ABCD2: variants seen among roughly 807,000 people sequenced by gnomAD.
ABCD2 encodes the protein ATP binding cassette subfamily D member 2.
Under a neutral mutation model 70.9 loss-of-function variants are expected in ABCD2, and 36 were observed. That is an observed-to-expected ratio of 0.51 (90% CI 0.39 to 0.67). The LOEUF is 0.67. ABCD2 is among the 30% of genes least tolerant of loss of function. The pLI, the probability that ABCD2 is intolerant of heterozygous loss-of-function variation, is 0.00. For synonymous variants in ABCD2, 304 were observed against 306.9 expected, an observed-to-expected ratio of 0.99 and a Z score of 0.10; for missense variants, 729 against 890.2, an observed-to-expected ratio of 0.82 and a Z score of 2.30.
intron 7 of ABCD2, among the ~76,000 whole-genome samples, chr12:39,582,530 G>A (rs1237777298): frequency 2.6e-5 from 4 of 152,080 alleles, no homozygotes; most frequent in African/African-American, 9.7e-5. Context: ...AATATTTCAT[G>A]TTTATTCTAA....
chr12:39,540,516 G>A, the ABCD2 span, among the ~76,000 whole-genome samples: 1 of 152,280 alleles, frequency 6.6e-6, no homozygotes, highest in South Asian at 2.1e-4. Flanking sequence ...ATTTGCATCT[G>A]TAAAGAATCT....
rs1941070462 is a variant in ABCD2 at position 39,550,361 on chromosome 12, A to G, written c.*3551T>C. The stretch of plus-strand genomic sequence containing the variant: ...TGATGAGTTCAAGTAAATACACATC[A>G]GATGGAAATTATATTATAATGTACT... On this transcript the variant is annotated 3_prime_UTR_variant, in exon 10 of 10. Transcript: ENST00000308666. 1 of 151,782 alleles carries G rather than the reference A, an allele frequency of 6.6e-6. No homozygotes were observed. The highest frequency in any genetic ancestry group is 2.4e-5 in the African/African-American group (1 of 41,420). The allele number at this position is 151,782 out of a possible 1,614,324, so 9.4% of individuals were successfully genotyped here. A position where few individuals can be genotyped will look rare whatever the true frequency, so the allele number is the denominator to read the frequency against.
At chr12:39,533,138 C>T in the ABCD2 span, among the ~76,000 whole-genome samples, 2 of 151,872 alleles carry the variant, frequency 1.3e-5, no homozygotes, top group South Asian at 4.2e-4. Context: ...GCACTCCAGC[C>T]TGGGTGACAA....
chr12:39,601,247 T>A (rs1941892888), intron 5 of ABCD2, among the ~76,000 whole-genome samples: 2 of 151,964 alleles, frequency 1.3e-5, no homozygotes, highest in Non-Finnish European at 2.9e-5. Flanking sequence ...AGAAGATGAT[T>A]CAAATTCTGC....
chr12:39,589,202 C>T (rs182880189), intron 6 of ABCD2, among the ~76,000 whole-genome samples: 84 of 152,188 alleles, frequency 5.5e-4, no homozygotes, highest in African/African-American at 1.9e-3. Flanking sequence ...GATGAATTAT[C>T]TACCTATTTT....
In ABCD2 at chr12:39,618,552, G is replaced by C. The variant is rs1942148197; in HGVS notation, c.939+125C>G. On this transcript the variant is annotated intron_variant, in intron 1 of 9. Coordinates refer to ENST00000308666, the MANE Select transcript of ABCD2 (RefSeq NM_005164.4). ...AAGCATATATTTTAATTCAGGTTTA[G>C]ATGTCAGAGGAATCTAAGACACTAA... 8.5e-5 allele frequency: 67 copies of C among 786,890 alleles called. No homozygotes were observed. In the South Asian group the frequency reaches 1.2e-3, roughly 14 times the overall value. 48.7% of individuals were successfully genotyped at this position (786,890 alleles called of 1,614,324 possible). A position where few individuals can be genotyped will look rare whatever the true frequency, so the allele number is the denominator to read the frequency against.
rs377273599 is a variant in ABCD2, at chr12:39,557,933, G to C, written c.2004-3802C>G. Among the ~76,000 whole-genome samples the C allele has an allele frequency of 2.4e-4, 37 of 152,302 alleles. 1 individual carries two copies. The South Asian group carries it at 7.5e-3, about 31-fold the overall frequency. ...AGGGTAGTGCAGAAGGAAAATGTGA[G>C]GTCAGAGCCCCCACTGGGGCATTGC... On this transcript the variant is annotated intron_variant, in intron 9 of 9. Transcript: ENST00000308666.
chr12:39,544,646 C>G, the ABCD2 span, among the ~76,000 whole-genome samples: 5 of 152,060 alleles, frequency 3.3e-5, no homozygotes, highest in Admixed American at 6.5e-5. Flanking sequence ...CAATCCCTCC[C>G]TTTAGGTTTT....
intron 2 of ABCD2, among the ~76,000 whole-genome samples, chr12:39,615,833 C>A (rs1203034019): frequency 4.6e-5 from 7 of 152,106 alleles, no homozygotes; most frequent in African/African-American, 1.4e-4. Context: ...TAATTCTGTA[C>A]AAAATAACTA....
At chr12:39,536,192 T>C in the ABCD2 span, among the ~76,000 whole-genome samples, 2 of 152,248 alleles carry the variant, frequency 1.3e-5, no homozygotes, top group Admixed American at 1.3e-4. Context: ...TTTTCACACA[T>C]ATACACAGAG....
intron 3 of ABCD2, among the ~76,000 whole-genome samples, chr12:39,606,791 T>C (rs1941975066): frequency 6.6e-6 from 1 of 152,220 alleles, no homozygotes; most frequent in East Asian, 1.9e-4. Flanking sequence ...TTGTGTAATA[T>C]CTGAATTAAA....
chr12:39,534,693 AGGAAGGAC>A, the ABCD2 span, among the ~76,000 whole-genome samples: 1 of 86,264 alleles, frequency 1.2e-5, no homozygotes, highest in Non-Finnish European at 2.4e-5. Context: ...GAAGGAAGGA[AGGAAGGAC>A]GGAAGGAAGG....
intron 9 of ABCD2, among the ~76,000 whole-genome samples, chr12:39,569,321 C>T (rs1176108211): frequency 6.6e-6 from 1 of 152,238 alleles, no homozygotes; most frequent in African/African-American, 2.4e-5. Flanking sequence ...GAAGCCTTGG[C>T]AATGGCGGGC....
chr12:39,590,003 A>G lies in ABCD2; in HGVS notation c.1647-3706T>C, dbSNP rs1167045545. Among the ~76,000 whole-genome samples, 4 of 152,226 alleles carry G rather than the reference A, an allele frequency of 2.6e-5. No individual in the cohort carries two copies. In the East Asian group the frequency reaches 5.8e-4, roughly 22 times the overall value. ...TTAAAGCCACCACTGAATTCTCTGG[A>G]AAGACTGTGTCAAGAAAATTCGGGA... On this transcript the variant is annotated intron_variant, in intron 6 of 9. Coordinates refer to ENST00000308666, the MANE Select transcript of ABCD2 (RefSeq NM_005164.4).
At chr12:39,538,171 C>CTTTTTTTTTTTTTTTTTTTT in the ABCD2 span, among the ~76,000 whole-genome samples, 1 of 139,696 alleles carries the variant, frequency 7.2e-6, no homozygotes, top group African/African-American at 2.6e-5. Context: ...TTCTTTCTTT[C>CTTTTTTTTTTTTTTTTTTTT]TTTTTTTTTT....
At position 39,553,241 on chromosome 12, in the gene ABCD2, G is replaced by A. The variant is rs1187234229; in HGVS notation, c.*671C>T. On this transcript the variant is annotated 3_prime_UTR_variant, in exon 10 of 10. Coordinates refer to ENST00000308666, the MANE Select transcript of ABCD2 (RefSeq NM_005164.4). ...GGCAATTCTCTTTTTAAAATGAAAG[G>A]ATTTATTAAAAATATTTAAGATTTG... The A allele has an allele frequency of 6.6e-6, 1 of 151,834 alleles. No individual in the cohort carries two copies. Among genetic ancestry groups the A allele is most frequent in the African/African-American group, 2.4e-5 (1 of 41,366 alleles). 9.4% of individuals were successfully genotyped at this position (151,834 alleles called of 1,614,324 possible).
At chr12:39,579,045 A>C (rs1941559838) in intron 8 of ABCD2, among the ~76,000 whole-genome samples, 1 of 152,192 alleles carries the variant, frequency 6.6e-6, no homozygotes, top group Admixed American at 6.5e-5. Flanking sequence ...AGAAAAACAA[A>C]TACTTGGAGA....
the ABCD2 span, among the ~76,000 whole-genome samples, chr12:39,538,007 A>T: frequency 6.6e-6 from 1 of 152,104 alleles, no homozygotes; most frequent in Admixed American, 6.5e-5. Context: ...GAAACACTTC[A>T]CCTATGACAG....
chr12:39,567,401 C>G (rs1478810328), intron 9 of ABCD2, among the ~76,000 whole-genome samples: 4 of 152,074 alleles, frequency 2.6e-5, no homozygotes, highest in Non-Finnish European at 5.9e-5. Flanking sequence ...TTCTTTGTCT[C>G]TTTTGATCTT....
Sources: allele counts gnomAD v4.1 joint callset (sites outside exome capture counted in the v4.1 genomes callset), GRCh38; gene constraint gnomAD v4.1.1; transcripts MANE v1.5; gene names NCBI Gene and HGNC (gene_info 2026-07-23, HGNC 2026-07-21).